The following ECPAS variants were observed in gnomAD, a reference collection of about 807,000 sequenced individuals.
ECPAS encodes the protein Ecm29 proteasome adaptor and scaffold, also known as proteasome adapter and scaffold protein ECM29.
ECPAS carries 70 observed loss-of-function variants against 255.1 expected under a neutral mutation model. That is an observed-to-expected ratio of 0.27 (90% confidence interval 0.23 to 0.33). The LOEUF is 0.33. Among genes scored for constraint, ECPAS ranks in the 10% least tolerant of loss-of-function variants. The pLI is 1.00. For missense variants in ECPAS, 1,817 were observed against 2,206.4 expected (o/e 0.82, Z 3.54); for synonymous variants, 784 against 775.0 (o/e 1.01, Z -0.19).
At chr9:111,479,938 G>A (rs957526117) in intron 1 of ECPAS, among the ~76,000 whole-genome samples, 60 of 143,824 alleles carry the variant, frequency 4.2e-4, no homozygotes, top group Non-Finnish European at 5.8e-4. Context: ...GAGATCGCGC[G>A]CCACTGCACA....
intron 2 of ECPAS, among the ~76,000 whole-genome samples, chr9:111,466,997 C>G (rs1048823994): frequency 6.6e-6 from 1 of 152,184 alleles, no homozygotes; most frequent in African/African-American, 2.4e-5. Context: ...ACACTCCCTC[C>G]TCCTACCCGC....
intron 8 of ECPAS, among the ~76,000 whole-genome samples, chr9:111,432,772 T>G (rs2098232002): frequency 6.6e-6 from 1 of 152,380 alleles, no homozygotes; most frequent in African/African-American, 2.4e-5. Flanking sequence ...TTTCTATAAG[T>G]CTATTTCCTA....
At chr9:111,473,027 C>A in intron 1 of ECPAS, 27 bp from the exon 2 acceptor site, 1 of 746,910 alleles carries the variant, frequency 1.3e-6, no homozygotes, top group Non-Finnish European at 1.7e-6. Context: ...CAAAAAAATA[C>A]AATTAACAGA....
Position 111,410,194 on chromosome 9 carries a change from T to C in ECPAS, c.2397A>G (p.Thr799=). The C allele has an allele frequency of 1.9e-6, 3 of 1,611,964 alleles. No individual in the cohort carries two copies. The highest frequency in any genetic ancestry group is 2.5e-6 in the Non-Finnish European group (3 of 1,179,308). ...AGGCAGCAATTGCCAGGAGGGGTGA[T>C]GTACTGTCCAAAAATGAGCCTGTAA... ...TETIGSFLDS[T]SPLLAIAACT... Residue 799 remains threonine, a synonymous_variant, in exon 23 of 50, where the codon ACA becomes ACG. Coordinates refer to ENST00000684092, the MANE Select transcript of ECPAS (RefSeq NM_001364929.1).
At chr9:111,445,778 C>A (rs950855042) in intron 3 of ECPAS, among the ~76,000 whole-genome samples, 1 of 152,242 alleles carries the variant, frequency 6.6e-6, no homozygotes, top group African/African-American at 2.4e-5. Flanking sequence ...CTGCACCCAA[C>A]AATTCATCAT....
chr9:111,482,904 C>G (rs2098308525), intron 1 of ECPAS, among the ~76,000 whole-genome samples: 1 of 152,158 alleles, frequency 6.6e-6, no homozygotes, highest in South Asian at 2.1e-4. Context: ...GGCTGCACCG[C>G]GTACGATCGA....
In ECPAS at chr9:111,389,636, G is replaced by A. The variant is rs374055651; in HGVS notation, c.3367C>T (p.Arg1123Cys). Reference sequence around the variant, plus strand: ...CCAAGGTTGGGATCAAACTGGTAACGATAAAGTCGAGGAACTAGCTGAGGC... The same window carrying A: ...CCAAGGTTGGGATCAAACTGGTAACAATAAAGTCGAGGAACTAGCTGAGGC... ...FLPQLVPRLY[R>C]YQFDPNLGIR... Residue 1123 changes from arginine to cysteine, a missense_variant, in exon 31 of 50, where the codon CGT becomes TGT. By Grantham distance (180) the Arg-to-Cys change is radical (BLOSUM62 -3). Around this residue, in one of 4 missense-constraint regions of ECPAS, gnomAD observed 960 missense variants for 1,179.0 expected, o/e 0.81. Transcript: ENST00000684092. 1.9e-6 allele frequency: 3 copies of A among 1,613,932 alleles called. No homozygotes were observed. The highest frequency in any genetic ancestry group is 1.6e-4 in the Middle Eastern group (1 of 6,062).
At chr9:111,443,300 G>C (rs548846681) in intron 4 of ECPAS, among the ~76,000 whole-genome samples, 7 of 152,114 alleles carry the variant, frequency 4.6e-5, no homozygotes, top group African/African-American at 1.7e-4. Context: ...ACCCAGGCTG[G>C]AGTGCAATGG....
At chr9:111,449,426 C>A (rs549897712) in intron 3 of ECPAS, among the ~76,000 whole-genome samples, 61 of 152,092 alleles carry the variant, frequency 4.0e-4, no homozygotes, top group Middle Eastern at 6.8e-3. Context: ...TGCTCATTTG[C>A]TTCAGTAAAC....
chr9:111,444,218 T>C (rs1381326591), intron 4 of ECPAS, among the ~76,000 whole-genome samples, 160 bp downstream of exon 4: 1 of 151,372 alleles, frequency 6.6e-6, no homozygotes, highest in Non-Finnish European at 1.5e-5. Flanking sequence ...TGGTACTCAG[T>C]GGAAAAACAG....
intron 25 of ECPAS, among the ~76,000 whole-genome samples, chr9:111,395,923 C>T (rs1002808483): frequency 3.3e-5 from 5 of 152,174 alleles, no homozygotes; most frequent in South Asian, 2.1e-4. Flanking sequence ...ATTCAGCTTC[C>T]GTCAATCCAC....
chr9:111,412,471 G>C (rs1027027267), intron 20 of ECPAS, among the ~76,000 whole-genome samples: 3 of 152,214 alleles, frequency 2.0e-5, no homozygotes, highest in African/African-American at 7.2e-5. Context: ...TGCCACTGCA[G>C]TACAAAGGCA....
intron 7 of ECPAS, among the ~76,000 whole-genome samples, 189 bp from the exon 8 acceptor site, chr9:111,433,561 C>A (rs1480126500): frequency 6.6e-6 from 1 of 152,166 alleles, no homozygotes; most frequent in Non-Finnish European, 1.5e-5. Context: ...TTCACTTAAT[C>A]CTCACAATAA....
At chr9:111,422,465 T>C (rs570745817) in intron 13 of ECPAS, among the ~76,000 whole-genome samples, 13 of 152,336 alleles carry the variant, frequency 8.5e-5, no homozygotes, top group African/African-American at 3.1e-4. Flanking sequence ...AGAAATTAGG[T>C]AAGACCAAAC....
At chr9:111,390,845 T>C (rs1207921587) in intron 29 of ECPAS, among the ~76,000 whole-genome samples, 1 of 152,200 alleles carries the variant, frequency 6.6e-6, no homozygotes, top group Non-Finnish European at 1.5e-5. Context: ...GCTAAAGTAG[T>C]GGCCTCTAAG....
At chr9:111,423,337 C>T in intron 12 of ECPAS, 89 bp from the exon 13 acceptor site, 1 of 836,622 alleles carries the variant, frequency 1.2e-6, no homozygotes, top group Middle Eastern at 2.6e-4. Context: ...CTTTTCGCTG[C>T]AATTACATGC....
In ECPAS at chr9:111,444,522, G is replaced by A. The variant is rs1207443065; in HGVS notation, c.154-28C>T. ...AAAATACAGAGAGATGGGAACTAAA[G>A]TTATTGATCATATCTTAAAAACCAC... On this transcript the variant is annotated intron_variant, in intron 3 of 49. Transcript: ENST00000684092. 2.1e-6 allele frequency: 3 copies of A among 1,421,236 alleles called. No homozygotes were observed. In the African/African-American group the frequency reaches 4.3e-5, roughly 20 times the overall value. The allele number at this position is 1,421,236 out of a possible 1,614,324, so 88.0% of individuals were successfully genotyped here. A position where few individuals can be genotyped will look rare whatever the true frequency, so the allele number is the denominator to read the frequency against.
In ECPAS at chr9:111,413,926, G is replaced by A. The variant is rs199518324; in HGVS notation, c.2048C>T (p.Thr683Ile). The A allele has an allele frequency of 7.8e-5, 124 of 1,586,634 alleles. 2 individuals carry two copies. In the Middle Eastern group the frequency reaches 5.3e-3, roughly 68 times the overall value. ...CCATTCTGTTTTGTCTACAAATTTG[G>A]TAGCCAGCTTTTCTGGATACACTGA... ...AVSVYPEKLA[T>I]KFVDKTEWIK... The change falls in exon 20 of 50, where the codon ACC becomes ATC. Residue 683 changes from threonine (T) to isoleucine (I), a missense_variant. This residue lies in a region of ECPAS where 573 missense variants were observed against 716.2 expected (regional missense o/e 0.80). Transcript: ENST00000684092.
chr9:111,381,910 C>T lies in ECPAS; in HGVS notation c.3803+1301G>A, dbSNP rs553510779. ...TCCACTCTCCTCTTTTTTTCTTCTT[C>T]GTCCTCTTTGATTGTATTCCAGTCA... is the stretch of plus-strand genomic sequence containing the variant. On this transcript the variant is annotated intron_variant, in intron 35 of 49. Transcript: ENST00000684092. 4.0e-5 allele frequency among the ~76,000 whole-genome samples: 6 copies of T among 151,714 alleles called. No individual in the cohort carries two copies. The South Asian group carries it at 1.0e-3, about 26-fold the overall frequency.
Sources: gnomAD v4.1 joint callset for allele counts (sites outside exome capture counted in the v4.1 genomes callset) on GRCh38, gnomAD v4.1.1 for gene constraint, gnomAD v4.1.1 regional missense constraint, MANE v1.5 for transcripts, NCBI Gene and HGNC (gene_info 2026-07-23, HGNC 2026-07-21) for gene names.